Variants in DISP1 observed in about 807,000 individuals in gnomAD.
The protein encoded by DISP1 is protein dispatched homolog 1.
DISP1 carries 30 observed loss-of-function variants against 37.3 expected under a neutral mutation model. The observed-to-expected ratio is 0.80, with a 90% CI of 0.60 to 1.09. DISP1 has a LOEUF of 1.09. Among genes scored for constraint, DISP1 ranks in the 50% least tolerant of loss-of-function variants. The probability of loss-of-function intolerance (pLI) is 0.00; values close to 1 mark genes in which losing one functional copy is unlikely to be tolerated. For missense variants in DISP1, 1,598 were observed against 1,879.5 expected (o/e 0.85, Z 2.77); for synonymous variants, 634 against 690.2 (o/e 0.92, Z 1.28).
At chr1:222,951,492 G>A (rs1350832140) in intron 3 of DISP1, among the ~76,000 whole-genome samples, 1 of 58,544 alleles carries the variant, frequency 1.7e-5, no homozygotes, top group African/African-American at 8.0e-5. Flanking sequence ...CTTAGCCCTG[G>A]TGATTGTATT....
chr1:222,952,769 G>C (rs1320125371), intron 3 of DISP1, among the ~76,000 whole-genome samples: 3 of 152,166 alleles, frequency 2.0e-5, no homozygotes, highest in Non-Finnish European at 4.4e-5. Context: ...AGAATCGCTT[G>C]AACCTGGGCG....
chr1:222,882,647 T>A (rs944184576), intron 1 of DISP1, among the ~76,000 whole-genome samples: 1 of 152,216 alleles, frequency 6.6e-6, no homozygotes, highest in Non-Finnish European at 1.5e-5. Flanking sequence ...AATTTTCCTT[T>A]ATTATATGTT....
chr1:222,936,479 A>G (rs145568832), intron 2 of DISP1, among the ~76,000 whole-genome samples: 19 of 149,382 alleles, frequency 1.3e-4, no homozygotes, highest in African/African-American at 4.2e-4. Context: ...ATCTAATCAT[A>G]TGAACTCTGA....
chr1:222,876,591 A>T (rs1669987311), intron 1 of DISP1, among the ~76,000 whole-genome samples: 1 of 152,238 alleles, frequency 6.6e-6, no homozygotes, highest in Admixed American at 6.5e-5. Context: ...GTTCAGAAGA[A>T]CAAAGTAGAG....
Position 222,893,617 on chromosome 1 carries a change from G to A in DISP1, c.-158-34813G>A, listed in dbSNP as rs1671068439. Among the ~76,000 whole-genome samples, 1 of 152,250 alleles carries A rather than the reference G, an allele frequency of 6.6e-6. No individual in the cohort carries two copies. The highest frequency in any genetic ancestry group is 1.5e-5 in the Non-Finnish European group (1 of 68,048). ...TCCATGGAAGGCTGCGGCTTGACCA[G>A]ATGTACTGCATGCAGCTTCCACTGC... On this transcript the variant is annotated intron_variant, in intron 1 of 8. Transcript: ENST00000675850. This position sits in a 1 kb window ranked among gnomAD's most constrained non-coding sequence, Gnocchi z 4.3.
At chr1:222,898,335 A>C (rs1671387005) in intron 1 of DISP1, among the ~76,000 whole-genome samples, 1 of 152,130 alleles carries the variant, frequency 6.6e-6, no homozygotes, top group South Asian at 2.1e-4. Context: ...GAACACAGTT[A>C]CTGAAGTATC....
chr1:222,997,984 A>G (rs1434131005), intron 8 of DISP1, among the ~76,000 whole-genome samples: 4 of 152,114 alleles, frequency 2.6e-5, no homozygotes, highest in Non-Finnish European at 1.5e-5. Context: ...TAGCTTGTTA[A>G]ATACTATTTT....
intron 6 of DISP1, 145 bp downstream of exon 6, chr1:222,991,792 G>T: frequency 9.8e-7 from 1 of 1,019,040 alleles, no homozygotes; most frequent in Non-Finnish European, 1.4e-6. Context: ...TTGTCATTGT[G>T]TTTGAAGATT....
intron 1 of DISP1, among the ~76,000 whole-genome samples, chr1:222,871,861 G>A (rs916735755): frequency 2.3e-4 from 35 of 152,160 alleles, no homozygotes; most frequent in African/African-American, 8.0e-4. Flanking sequence ...TCCCTGTCTT[G>A]TGCCAGTTTT....
intron 3 of DISP1, 32 bp from the exon 4 acceptor site, chr1:222,983,047 TG>T: frequency 1.3e-6 from 2 of 1,558,528 alleles, no homozygotes; most frequent in Non-Finnish European, 8.8e-7. Flanking sequence ...GCTCTGTTTT[TG>T]ATCATTTTTC....
intron 1 of DISP1, among the ~76,000 whole-genome samples, chr1:222,909,879 C>T (rs892166070): frequency 2.6e-5 from 4 of 152,142 alleles, no homozygotes; most frequent in African/African-American, 9.7e-5. Flanking sequence ...GAGAATCCTT[C>T]CCCCTGCCTG....
chr1:222,833,062 G>C (rs950961426), intron 1 of DISP1, among the ~76,000 whole-genome samples: 1 of 151,996 alleles, frequency 6.6e-6, no homozygotes, highest in Non-Finnish European at 1.5e-5. Context: ...GGCAATGGGG[G>C]TTCTGTGTTT....
chr1:222,950,544 G>A (rs1424846723), intron 3 of DISP1, among the ~76,000 whole-genome samples: 1 of 151,898 alleles, frequency 6.6e-6, no homozygotes, highest in Non-Finnish European at 1.5e-5. Context: ...AGCTTGCAGT[G>A]ATCTGAGATC....
At chr1:222,898,393 T>C (rs1332549805) in intron 1 of DISP1, among the ~76,000 whole-genome samples, 1 of 152,146 alleles carries the variant, frequency 6.6e-6, no homozygotes, top group African/African-American at 2.4e-5. Context: ...GTAAAGGTGA[T>C]TGGTTGAAAA....
At chr1:222,889,967 GA>G (rs1476098467) in intron 1 of DISP1, among the ~76,000 whole-genome samples, 1 of 152,076 alleles carries the variant, frequency 6.6e-6, no homozygotes, top group African/African-American at 2.4e-5. Flanking sequence ...CTGGAAAGTA[GA>G]AGTAAATTAA....
intron 1 of DISP1, among the ~76,000 whole-genome samples, chr1:222,836,437 A>G (rs1006216817): frequency 2.0e-5 from 3 of 152,196 alleles, no homozygotes; most frequent in Non-Finnish European, 2.9e-5. Context: ...GGGAGTGACT[A>G]TAATTATGAC....
intron 1 of DISP1, among the ~76,000 whole-genome samples, chr1:222,910,356 C>T (rs1331475657): frequency 2.6e-5 from 4 of 152,010 alleles, no homozygotes; most frequent in Non-Finnish European, 5.9e-5. Flanking sequence ...GAGTAAGACC[C>T]TGTCTCCAAA....
At position 222,943,084 on chromosome 1, in the gene DISP1, C is replaced by T. The variant is rs770837946; in HGVS notation, c.261C>T (p.Tyr87=). The part of the protein sequence containing the change: ...MLPQCCHPCP[Y]HHPLTSHSSH... ...CCCAATGCTGCCATCCTTGCCCATACCATCACCCTTTGACTAGCCATAGCA... is the reference window on the plus strand; with the variant it reads ...CCCAATGCTGCCATCCTTGCCCATATCATCACCCTTTGACTAGCCATAGCA... The change falls in exon 3 of 9, where the codon TAC becomes TAT. Residue 87 remains tyrosine (Y), a synonymous_variant. Transcript: ENST00000675850. 3 of 1,614,222 alleles carry T rather than the reference C, an allele frequency of 1.9e-6. No homozygotes were observed. Among genetic ancestry groups the T allele is most frequent in the South Asian group, 1.1e-5 (1 of 91,080 alleles).
Position 222,893,172 on chromosome 1 carries a change from C to G in DISP1, c.-158-35258C>G, listed in dbSNP as rs1364222153. Among the ~76,000 whole-genome samples, 1 of 152,124 alleles carries G rather than the reference C, an allele frequency of 6.6e-6. No individual in the cohort carries two copies. The highest frequency in any genetic ancestry group is 1.5e-5 in the Non-Finnish European group (1 of 68,040). On this transcript the variant is annotated intron_variant, in intron 1 of 8. Coordinates refer to ENST00000675850, the MANE Select transcript of DISP1 (RefSeq NM_001377229.1). This position sits in a 1 kb window ranked among gnomAD's most constrained non-coding sequence, Gnocchi z 4.3. ...CAATATATTGGTTGATAATTATAAACCATGCCTTTATTATTAAATCTTTTG... is the reference window on the plus strand; with the variant it reads ...CAATATATTGGTTGATAATTATAAAGCATGCCTTTATTATTAAATCTTTTG...
Sources: gnomAD v4.1 joint callset for allele counts (sites outside exome capture counted in the v4.1 genomes callset) on GRCh38, gnomAD v4.1.1 for gene constraint, Gnocchi (gnomAD v3.1) non-coding constraint, MANE v1.5 for transcripts, NCBI Gene and HGNC (gene_info 2026-07-23, HGNC 2026-07-21) for gene names.